VEZT: variants seen among roughly 807,000 people sequenced by gnomAD.
VEZT encodes the protein vezatin, adherens junctions transmembrane protein.
In VEZT, 39 loss-of-function variants were observed where a neutral mutation model predicts 79.9. That is an observed-to-expected ratio of 0.49 (90% CI 0.38 to 0.64). The LOEUF (loss-of-function observed/expected upper bound fraction) is 0.64, where lower values mean the gene tolerates loss of function less well. VEZT is among the 30% of genes least tolerant of loss of function. The pLI is 0.00. For missense variants in VEZT, 837 were observed against 893.1 expected (o/e 0.94, Z 0.80); for synonymous variants, 325 against 327.6 (o/e 0.99, Z 0.09).
intron 1 of VEZT, among the ~76,000 whole-genome samples, chr12:95,249,766 A>G (rs1027335665): frequency 6.6e-6 from 1 of 152,158 alleles, no homozygotes; most frequent in South Asian, 2.1e-4. Flanking sequence ...GTGTGTTTGT[A>G]CTAAACTATA....
chr12:95,221,999 A>G (rs1261789332), intron 1 of VEZT, among the ~76,000 whole-genome samples: 1 of 152,226 alleles, frequency 6.6e-6, no homozygotes, highest in African/African-American at 2.4e-5. Context: ...ATATGCAAAT[A>G]CTATGCCATT....
At chr12:95,234,336 A>G (rs1007270615) in intron 1 of VEZT, among the ~76,000 whole-genome samples, 6 of 142,582 alleles carry the variant, frequency 4.2e-5, no homozygotes, top group Non-Finnish European at 6.0e-5. Flanking sequence ...CCCCCAGGCT[A>G]GAGTGCAATG....
intron 9 of VEZT, among the ~76,000 whole-genome samples, chr12:95,289,951 T>C (rs925205443): frequency 2.0e-5 from 3 of 152,218 alleles, no homozygotes; most frequent in South Asian, 2.1e-4. Flanking sequence ...GAGTAAGTTG[T>C]AGACTTGAAG....
At chr12:95,242,663 C>G (rs1035304872) in intron 1 of VEZT, among the ~76,000 whole-genome samples, 12 of 152,124 alleles carry the variant, frequency 7.9e-5, no homozygotes, top group Non-Finnish European at 1.5e-4. Flanking sequence ...CACCTGAGGT[C>G]AGGAGTTCGA....
At chr12:95,291,589 T>C (rs1416902600) in intron 9 of VEZT, among the ~76,000 whole-genome samples, 2 of 152,242 alleles carry the variant, frequency 1.3e-5, no homozygotes, top group Non-Finnish European at 2.9e-5. Flanking sequence ...TAAATGAGTG[T>C]GGCTGTGTTC....
chr12:95,269,819 A>T, intron 5 of VEZT: 1 of 367,312 alleles, frequency 2.7e-6, no homozygotes, highest in Non-Finnish European at 4.7e-6. Context: ...TGAGATGTTA[A>T]TTTTTTGTCT....
chr12:95,264,877 T>C (rs1191331646), intron 4 of VEZT, among the ~76,000 whole-genome samples: 1 of 115,604 alleles, frequency 8.7e-6, no homozygotes, highest in Admixed American at 9.3e-5. Flanking sequence ...TTCTTTTTTT[T>C]TTTTTTTTTT....
chr12:95,252,858 G>A (rs1374468994), intron 2 of VEZT, among the ~76,000 whole-genome samples: 2 of 152,152 alleles, frequency 1.3e-5, no homozygotes, highest in South Asian at 2.1e-4. Flanking sequence ...CCAGCTACTC[G>A]GGAGGCTGAG....
intron 1 of VEZT, among the ~76,000 whole-genome samples, chr12:95,223,174 CAG>C (rs1166873837): frequency 1.3e-5 from 2 of 152,076 alleles, no homozygotes; most frequent in East Asian, 3.8e-4. Context: ...ATAAAAATAA[CAG>C]TAACTATCTC....
chr12:95,300,846 T>C lies in VEZT; in HGVS notation c.*173T>C. 2 of 830,746 alleles carry C rather than the reference T, an allele frequency of 2.4e-6. No homozygotes were observed. Among genetic ancestry groups the C allele is most frequent in the Non-Finnish European group, 3.3e-6 (2 of 610,212 alleles). The allele number at this position is 830,746 out of a possible 1,614,324, so 51.5% of individuals were successfully genotyped here. On this transcript the variant is annotated 3_prime_UTR_variant, in exon 12 of 12. Coordinates refer to ENST00000436874, the MANE Select transcript of VEZT (RefSeq NM_017599.4). ...TCTGAAATTAGTAGTTACCTGTAAA[T>C]GGCAGATCTTTTAGGAAAATAAGAG...
At chr12:95,256,541 C>A in intron 2 of VEZT, 1 of 1,275,020 alleles carries the variant, frequency 7.8e-7, no homozygotes, top group Non-Finnish European at 1.0e-6. Flanking sequence ...TTCCCATGAC[C>A]CTTTGCAGTA....
At chr12:95,260,208 C>G (rs2064192952) in intron 3 of VEZT, among the ~76,000 whole-genome samples, 1 of 149,038 alleles carries the variant, frequency 6.7e-6, no homozygotes, top group Non-Finnish European at 1.5e-5. Flanking sequence ...CAGGCTCAAG[C>G]AATTCTTGTG....
chr12:95,297,397 T>C (rs1181360515), intron 11 of VEZT, among the ~76,000 whole-genome samples: 1 of 151,842 alleles, frequency 6.6e-6, no homozygotes, highest in East Asian at 1.9e-4. Flanking sequence ...CCTCCAGTTC[T>C]CTTTTTTTTT....
intron 11 of VEZT, chr12:95,296,555 T>C: frequency 5.0e-6 from 1 of 200,736 alleles, no homozygotes; most frequent in Non-Finnish European, 9.9e-6. Context: ...TTTTCAAATT[T>C]AGTGAATTTG....
At chr12:95,228,559 C>T (rs1286233581) in intron 1 of VEZT, among the ~76,000 whole-genome samples, 2 of 151,720 alleles carry the variant, frequency 1.3e-5, no homozygotes, top group African/African-American at 4.8e-5. Flanking sequence ...ACATAAAGCC[C>T]TAAATTGTAT....
chr12:95,272,309 C>G (rs2066784022), intron 6 of VEZT, among the ~76,000 whole-genome samples: 1 of 151,940 alleles, frequency 6.6e-6, no homozygotes, highest in Admixed American at 6.6e-5. Context: ...GAGAAGGCCT[C>G]TCTGAGGAGC....
chr12:95,265,236 C>T (rs1038652), intron 4 of VEZT, among the ~76,000 whole-genome samples: 60,727 of 151,634 alleles, frequency 0.4, 12,560 homozygotes, highest in African/African-American at 0.49. Context: ...GTTAGACTTG[C>T]AATTGATATG....
intron 2 of VEZT, among the ~76,000 whole-genome samples, chr12:95,256,212 T>C (rs2138077399): frequency 6.6e-6 from 1 of 152,168 alleles, no homozygotes; most frequent in Middle Eastern, 3.4e-3. Context: ...CCACTATGCC[T>C]GGCTAATTTT....
At chr12:95,287,519 T>G (rs1226028951) in intron 8 of VEZT, 145 bp from the exon 9 acceptor site, 6 of 654,230 alleles carry the variant, frequency 9.2e-6, no homozygotes, top group Non-Finnish European at 1.4e-5. Context: ...CCCAAGCTGG[T>G]TTTGAACTCC....
Sources: gnomAD v4.1 joint callset for allele counts (sites outside exome capture counted in the v4.1 genomes callset) on GRCh38, gnomAD v4.1.1 for gene constraint, MANE v1.5 for transcripts, NCBI Gene and HGNC (gene_info 2026-07-23, HGNC 2026-07-21) for gene names.